PAX5: variants seen among roughly 807,000 people sequenced by gnomAD.
PAX5 encodes paired box protein Pax-5.
In PAX5, 9 loss-of-function variants were observed where a neutral mutation model predicts 43.7. That is an observed-to-expected ratio of 0.21 (90% confidence interval 0.12 to 0.36). The LOEUF (loss-of-function observed/expected upper bound fraction) is 0.36. Ranked by LOEUF, PAX5 falls within the 10% of genes least tolerant of loss-of-function variation. The pLI, the probability that PAX5 is intolerant of heterozygous loss-of-function variation, is 1.00. For synonymous variants in PAX5, 228 were observed against 214.3 expected (o/e 1.06, Z -0.56); for missense variants, 383 against 532.7 (o/e 0.72, Z 2.77).
chr9:36,840,728 T>G (rs1486892146), intron 9 of PAX5, 92 bp from the exon 10 acceptor site: 7 of 759,386 alleles, frequency 9.2e-6, no homozygotes, highest in Non-Finnish European at 1.3e-5. Flanking sequence ...CCTCACTCAG[T>G]CCGGGCCACC....
intron 5 of PAX5, among the ~76,000 whole-genome samples, chr9:37,000,491 G>C (rs1181389592): frequency 6.6e-6 from 1 of 152,230 alleles, no homozygotes; most frequent in East Asian, 1.9e-4. Context: ...AGTGGCTCAT[G>C]CCTGTAATCC....
chr9:36,969,867 C>T (rs1233497098), intron 5 of PAX5, among the ~76,000 whole-genome samples: 1 of 152,214 alleles, frequency 6.6e-6, no homozygotes, highest in Non-Finnish European at 1.5e-5. Context: ...CGCTTGCTTT[C>T]TTTACTAGGG....
At chr9:36,921,001 T>G (rs549658790) in intron 7 of PAX5, among the ~76,000 whole-genome samples, 3 of 152,136 alleles carry the variant, frequency 2.0e-5, no homozygotes, top group East Asian at 1.9e-4. Context: ...TTAGTAGAGA[T>G]GGGGTTTCAC....
intron 1 of PAX5, among the ~76,000 whole-genome samples, chr9:37,028,116 C>A (rs1245179894): frequency 2.0e-5 from 3 of 152,218 alleles, no homozygotes; most frequent in East Asian, 1.9e-4. Flanking sequence ...TCCAAAAAAA[C>A]CAAAAAACAA....
At chr9:37,029,392 C>G (rs1424218823) in intron 1 of PAX5, among the ~76,000 whole-genome samples, 1 of 152,262 alleles carries the variant, frequency 6.6e-6, no homozygotes, top group Non-Finnish European at 1.5e-5. Flanking sequence ...TCCCCACCCC[C>G]CACCAGGGCA....
chr9:36,994,168 C>T (rs1157311186), intron 5 of PAX5, among the ~76,000 whole-genome samples: 2 of 152,148 alleles, frequency 1.3e-5, no homozygotes, highest in African/African-American at 2.4e-5. Flanking sequence ...AGATGCCCTG[C>T]GTTACCACAG....
chr9:36,891,263 A>G (rs1449417569), intron 7 of PAX5, among the ~76,000 whole-genome samples: 3 of 152,270 alleles, frequency 2.0e-5, no homozygotes, highest in Non-Finnish European at 1.5e-5. Context: ...ACAATGCCAA[A>G]GACAATGACA....
intron 8 of PAX5, among the ~76,000 whole-genome samples, chr9:36,859,459 C>A (rs1227447140): frequency 6.6e-6 from 1 of 152,114 alleles, no homozygotes; most frequent in Non-Finnish European, 1.5e-5. Flanking sequence ...GCTCCCAGGG[C>A]CTCTCCCTCC....
intron 1 of PAX5, 110 bp downstream of exon 1, chr9:37,033,876 T>C: frequency 1.2e-6 from 1 of 863,386 alleles, no homozygotes; most frequent in Non-Finnish European, 1.9e-6. Flanking sequence ...TTAGACAGTC[T>C]CTACGAAAAT....
At chr9:37,020,943 GCAAAC>G in intron 1 of PAX5, 142 bp from the exon 2 acceptor site, 2 of 759,024 alleles carry the variant, frequency 2.6e-6, no homozygotes, top group Non-Finnish European at 4.3e-6. Context: ...GTCCAATCGT[GCAAAC>G]TACACGAAGT....
At chr9:36,962,896 C>G (rs75144924) in intron 6 of PAX5, among the ~76,000 whole-genome samples, 1 of 152,114 alleles carries the variant, frequency 6.6e-6, no homozygotes. Context: ...CTGTCACCAC[C>G]GCCATGCCAC....
chr9:36,989,718 T>C (rs1398133036), intron 5 of PAX5, among the ~76,000 whole-genome samples: 1 of 152,172 alleles, frequency 6.6e-6, no homozygotes, highest in Admixed American at 6.5e-5. Context: ...ATGGAGACTC[T>C]GGGGTCAGGC....
intron 5 of PAX5, among the ~76,000 whole-genome samples, chr9:36,991,593 A>G (rs1588163360): frequency 6.6e-6 from 1 of 152,346 alleles, no homozygotes; most frequent in East Asian, 1.9e-4. Context: ...ATGCTGCTGA[A>G]GAAGTGAGAC....
In PAX5 at chr9:36,908,179, A is replaced by G. The variant is rs187172033; in HGVS notation, c.910+15176T>C. Reference sequence around the variant, plus strand: ...ACACCGCTGCACTCCAGCCTGGGCCACAGGGTAAGACCCTGTTTCAAAAAA... The same window carrying G: ...ACACCGCTGCACTCCAGCCTGGGCCGCAGGGTAAGACCCTGTTTCAAAAAA... On this transcript the variant is annotated intron_variant, in intron 7 of 9. Transcript: ENST00000358127. Among the ~76,000 whole-genome samples, 39 of 151,346 alleles carry G rather than the reference A, an allele frequency of 2.6e-4. No homozygotes were observed. The East Asian group carries it at 7.4e-3, about 29-fold the overall frequency.
At chr9:36,855,978 G>C (rs995716623) in intron 8 of PAX5, among the ~76,000 whole-genome samples, 5 of 152,312 alleles carry the variant, frequency 3.3e-5, no homozygotes, top group Non-Finnish European at 5.9e-5. Flanking sequence ...CCCAGCCCTG[G>C]GTCTATCACT....
chr9:36,866,162 C>T (rs919924114), intron 8 of PAX5, among the ~76,000 whole-genome samples: 15 of 152,162 alleles, frequency 9.9e-5, no homozygotes, highest in Admixed American at 6.5e-4. Flanking sequence ...GCTGAAGAAG[C>T]GCGGGCGGGC....
At chr9:36,949,594 G>A (rs1057384184) in intron 6 of PAX5, among the ~76,000 whole-genome samples, 5 of 152,174 alleles carry the variant, frequency 3.3e-5, no homozygotes, top group African/African-American at 7.2e-5. Flanking sequence ...AAGAGATTAC[G>A]TGAGCTCAAA....
At chr9:36,849,645 T>C (rs544772487) in intron 8 of PAX5, among the ~76,000 whole-genome samples, 3 of 152,222 alleles carry the variant, frequency 2.0e-5, no homozygotes, top group Non-Finnish European at 2.9e-5. Context: ...GTTGGACACC[T>C]GCTATGTGCC....
chr9:36,870,899 G>T (rs1587826612), intron 8 of PAX5, among the ~76,000 whole-genome samples: 1 of 152,252 alleles, frequency 6.6e-6, no homozygotes, highest in African/African-American at 2.4e-5. Context: ...AGAAGGGGCT[G>T]GTCTGAGCCC....
Sources: gnomAD v4.1 joint callset for allele counts (sites outside exome capture counted in the v4.1 genomes callset) on GRCh38, gnomAD v4.1.1 for gene constraint, MANE v1.5 for transcripts, NCBI Gene and HGNC (gene_info 2026-07-23, HGNC 2026-07-21) for gene names.